Variants in AFAP1L1 observed in about 807,000 individuals in gnomAD.
AFAP1L1 encodes the protein actin filament associated protein 1 like 1, also known as actin filament-associated protein 1-like 1.
In AFAP1L1, 77 loss-of-function variants were observed where a neutral mutation model predicts 99.8. The ratio of observed to expected loss-of-function variants is 0.77; its 90% CI spans 0.64 to 0.93. AFAP1L1 has a LOEUF of 0.93. AFAP1L1 is among the 40% of genes least tolerant of loss of function. The pLI is 0.00. For missense variants in AFAP1L1, 893 were observed against 996.8 expected (o/e 0.90, Z 1.40); for synonymous variants, 373 against 395.3 (o/e 0.94, Z 0.67).
rs570826645 is a variant in AFAP1L1, at chr5:149,342,788, G to C, written c.*2758G>C. Among the ~76,000 whole-genome samples the C allele has an allele frequency of 3.3e-5, 5 of 152,150 alleles. No individual in the cohort carries two copies. The highest frequency in any genetic ancestry group is 4.8e-5 in the African/African-American group (2 of 41,432). Reference sequence around the variant, plus strand: ...TTAGCTGGGCACGGTGGCACATGCCGGTAGTCCCAGCTACTTGGGAGGCTG... The same window carrying C: ...TTAGCTGGGCACGGTGGCACATGCCCGTAGTCCCAGCTACTTGGGAGGCTG... On this transcript the variant is annotated 3_prime_UTR_variant, in exon 19 of 19. Coordinates refer to ENST00000296721, the MANE Select transcript of AFAP1L1 (RefSeq NM_152406.4).
chr5:149,312,428 G>A (rs1217511340), intron 9 of AFAP1L1: 1 of 590,060 alleles, frequency 1.7e-6, no homozygotes, highest in African/African-American at 1.8e-5. Context: ...CAAGCCAGAG[G>A]AGGGAGTGAT....
chr5:149,281,961 T>C (rs112561583), intron 1 of AFAP1L1, among the ~76,000 whole-genome samples: 4,201 of 152,326 alleles, frequency 0.028, 173 homozygotes, highest in African/African-American at 0.091. Context: ...ACACTCTTCC[T>C]GCTGTGGCCC....
rs866521643 is a variant in AFAP1L1 at position 149,301,206 on chromosome 5, A to G, written c.303A>G (p.Leu101=). 8.1e-6 allele frequency: 13 copies of G among 1,613,946 alleles called. No individual in the cohort carries two copies. The African/African-American group carries it at 1.2e-4, about 15-fold the overall frequency. ...GEPSKGASPE[L]AKSPRLRNAA... The stretch of plus-strand genomic sequence containing the variant: ...CCAGCAAAGGAGCCAGCCCTGAGCT[A>G]GCCAAGAGCCCACGCCTGAGAAACG... The change falls in exon 4 of 19, where the codon CTA becomes CTG. Residue 101 remains leucine, a synonymous_variant. Coordinates refer to ENST00000296721, the MANE Select transcript of AFAP1L1 (RefSeq NM_152406.4).
At chr5:149,289,174 G>A (rs1262431346) in intron 1 of AFAP1L1, among the ~76,000 whole-genome samples, 1 of 152,184 alleles carries the variant, frequency 6.6e-6, no homozygotes, top group Non-Finnish European at 1.5e-5. Flanking sequence ...ACGGGCAAAT[G>A]GGAGGAGTTA....
At chr5:149,334,588 A>G (rs1168971898) in intron 17 of AFAP1L1, among the ~76,000 whole-genome samples, 2 of 152,226 alleles carry the variant, frequency 1.3e-5, no homozygotes, top group Non-Finnish European at 2.9e-5. Context: ...AATTTCAAAA[A>G]TGAGAAGGAA....
intron 16 of AFAP1L1, among the ~76,000 whole-genome samples, chr5:149,332,444 C>T (rs1046757836): frequency 2.0e-5 from 3 of 152,078 alleles, no homozygotes; most frequent in Non-Finnish European, 2.9e-5. Context: ...CCAACGAAAA[C>T]TCAGAGTGCT....
In AFAP1L1 at chr5:149,312,139, G is replaced by C; in HGVS notation, c.955G>C (p.Gly319Arg). 6.2e-7 allele frequency: 1 copy of C among 1,613,980 alleles called. No homozygotes were observed. Among genetic ancestry groups the C allele is most frequent in the Non-Finnish European group, 8.5e-7 (1 of 1,179,990 alleles). The change falls in exon 9 of 19, where the codon GGG (glycine) becomes CGG (arginine). Residue 319 changes from glycine to arginine, a missense_variant. Gly to Arg is a moderately radical substitution (Grantham distance 125, BLOSUM62 -2). Coordinates refer to ENST00000296721, the MANE Select transcript of AFAP1L1 (RefSeq NM_152406.4). ...KVIREVSKPVGGAEGVEVPRS... is the reference protein window; with the variant it reads ...KVIREVSKPVRGAEGVEVPRS... ...CATCCGAGAAGTGAGCAAGCCAGTT[G>C]GGGGAGCTGAGGGAGTGGAGGTCCC...
chr5:149,287,949 A>G (rs983281473), intron 1 of AFAP1L1, among the ~76,000 whole-genome samples: 12 of 152,140 alleles, frequency 7.9e-5, no homozygotes, highest in Admixed American at 2.0e-4. Context: ...GAAGTGTTCA[A>G]TACATCTTGG....
rs1757543959 is a variant in AFAP1L1, at chr5:149,340,878, A to G, written c.*848A>G. On this transcript the variant is annotated 3_prime_UTR_variant, in exon 19 of 19. Coordinates refer to ENST00000296721, the MANE Select transcript of AFAP1L1 (RefSeq NM_152406.4). ...ATGGGTTAGAAATCCAGGAGGCAAT[A>G]TGTCTTTATTCTAATGAAGTCCTCA... The G allele has an allele frequency of 8.2e-6, 1 of 121,280 alleles. No homozygotes were observed. The highest frequency in any genetic ancestry group is 2.6e-5 in the African/African-American group (1 of 39,070). 7.5% of individuals were successfully genotyped at this position (121,280 alleles called of 1,614,324 possible).
intron 15 of AFAP1L1, 76 bp downstream of exon 15, chr5:149,322,793 C>A: frequency 8.2e-7 from 1 of 1,221,124 alleles, no homozygotes; most frequent in Non-Finnish European, 1.1e-6. Context: ...ATCTCAAAAT[C>A]AGTTTCCCTG....
In AFAP1L1 at chr5:149,340,114, G is replaced by A; in HGVS notation, c.*84G>A. 1.3e-6 allele frequency: 2 copies of A among 1,543,356 alleles called. No individual in the cohort carries two copies. The highest frequency in any genetic ancestry group is 1.8e-6 in the Non-Finnish European group (2 of 1,121,614). ...TGCTTTTTTCACAAGGAGACACCAA[G>A]AGAAGACTAGGAAGTAGCCCTCGTT... On this transcript the variant is annotated 3_prime_UTR_variant, in exon 19 of 19. Transcript: ENST00000296721.
intron 5 of AFAP1L1, among the ~76,000 whole-genome samples, chr5:149,303,107 C>G (rs1015181709): frequency 1.3e-5 from 2 of 152,166 alleles, no homozygotes; most frequent in Non-Finnish European, 2.9e-5. Flanking sequence ...TTTAATTCAA[C>G]ATATCTTTTA....
chr5:149,309,991 G>C lies in AFAP1L1; in HGVS notation c.783G>C (p.Leu261=). 6.2e-7 allele frequency: 1 copy of C among 1,614,238 alleles called. No individual in the cohort carries two copies. ...YKSSKDRQPH[L]RLALDTCSII... ...GCTCCAAGGATCGGCAGCCACATCT[G>C]AGGTTGGCACTGGATACCTGCAGCA... Residue 261 remains leucine (L), a synonymous_variant, in exon 8 of 19, where the codon CTG becomes CTC. Coordinates refer to ENST00000296721, the MANE Select transcript of AFAP1L1 (RefSeq NM_152406.4).
intron 1 of AFAP1L1, among the ~76,000 whole-genome samples, chr5:149,284,442 T>C (rs1343842860): frequency 6.6e-6 from 1 of 152,240 alleles, no homozygotes; most frequent in African/African-American, 2.4e-5. Context: ...ATTGGATTCA[T>C]ATAGTGAAAG....
chr5:149,337,522 A>G (rs959694005), intron 18 of AFAP1L1, among the ~76,000 whole-genome samples: 1 of 152,216 alleles, frequency 6.6e-6, no homozygotes, highest in East Asian at 1.9e-4. Flanking sequence ...ACACTTCACT[A>G]AACACTCTTG....
At position 149,339,927 on chromosome 5, in the gene AFAP1L1, C is replaced by T. The variant is rs1757515143; in HGVS notation, c.2284-80C>T. The T allele has an allele frequency of 1.4e-5, 22 of 1,519,542 alleles. No homozygotes were observed. In the South Asian group the frequency reaches 2.3e-4, roughly 16 times the overall value. 94.1% of individuals were successfully genotyped at this position (1,519,542 alleles called of 1,614,324 possible). ...CTGGCTAGTGGAGATCTTCATCTAA[C>T]TAGGTGCCGTGAAATCTCTTTATCC... On this transcript the variant is annotated intron_variant, in intron 18 of 18. Coordinates refer to ENST00000296721, the MANE Select transcript of AFAP1L1 (RefSeq NM_152406.4).
chr5:149,280,808 T>C (rs1008779958), intron 1 of AFAP1L1, among the ~76,000 whole-genome samples: 13 of 152,220 alleles, frequency 8.5e-5, no homozygotes, highest in Admixed American at 2.6e-4. Context: ...TATCTTGGCT[T>C]CTCCCTCCCC....
Position 149,320,346 on chromosome 5 carries a change from A to G in AFAP1L1, c.1626-45A>G. 1 of 1,586,794 alleles carries G rather than the reference A, an allele frequency of 6.3e-7. No homozygotes were observed. Among genetic ancestry groups the G allele is most frequent in the Non-Finnish European group, 8.7e-7 (1 of 1,155,718 alleles). The stretch of plus-strand genomic sequence containing the variant: ...GACACGAAAGCACTGTAAGCTGCAA[A>G]GCATCATTGTCATTGTCATTGTCAT... On this transcript the variant is annotated intron_variant, in intron 13 of 18. Coordinates refer to ENST00000296721, the MANE Select transcript of AFAP1L1 (RefSeq NM_152406.4). The surrounding 1 kb of genome is among the most constrained non-coding windows in gnomAD (Gnocchi z 4.0).
rs114292311 is a variant in AFAP1L1 at position 149,299,194 on chromosome 5, G to A, written c.17-315G>A. Among the ~76,000 whole-genome samples the A allele has an allele frequency of 3.5e-3, 533 of 152,340 alleles. 3 individuals carry two copies. The highest frequency in any genetic ancestry group is 0.012 in the African/African-American group (513 of 41,572). Reference sequence around the variant, plus strand: ...CAGAGGGCAATCTGGGACAGAGGGAGGCCTGAGAACCTCTGCTCGGGGCTG... The same window carrying A: ...CAGAGGGCAATCTGGGACAGAGGGAAGCCTGAGAACCTCTGCTCGGGGCTG... On this transcript the variant is annotated intron_variant, in intron 1 of 18. Transcript: ENST00000296721.
Sources: gnomAD v4.1 joint callset for allele counts (sites outside exome capture counted in the v4.1 genomes callset) on GRCh38, gnomAD v4.1.1 for gene constraint, Gnocchi (gnomAD v3.1) non-coding constraint, MANE v1.5 for transcripts, NCBI Gene and HGNC (gene_info 2026-07-23, HGNC 2026-07-21) for gene names.